Variants in ITFG1 observed in about 807,000 individuals in gnomAD.
The protein encoded by ITFG1 is integrin alpha FG-GAP repeat containing 1.
In ITFG1, 34 loss-of-function variants were observed where a neutral mutation model predicts 81.8. The observed-to-expected ratio is 0.42, with a 90% CI of 0.32 to 0.55. ITFG1 has a LOEUF of 0.55. Ranked by LOEUF, ITFG1 falls within the 20% of genes least tolerant of loss-of-function variation. The pLI, the probability that ITFG1 is intolerant of heterozygous loss-of-function variation, is 0.17. For missense variants in ITFG1, 672 were observed against 755.4 expected, an observed-to-expected ratio of 0.89 and a Z score of 1.29; for synonymous variants, 285 against 270.6, an observed-to-expected ratio of 1.05 and a Z score of -0.52.
chr16:47,411,167 G>A (rs1968805820), intron 6 of ITFG1, among the ~76,000 whole-genome samples: 5 of 152,176 alleles, frequency 3.3e-5, no homozygotes, highest in Admixed American at 2.0e-4. Flanking sequence ...GCACTTGAAT[G>A]GAGGAGGAGC....
At chr16:47,191,713 G>A (rs1222532943) in intron 14 of ITFG1, among the ~76,000 whole-genome samples, 1 of 152,124 alleles carries the variant, frequency 6.6e-6, no homozygotes, top group Non-Finnish European at 1.5e-5. Context: ...GTTTCACCAT[G>A]CTGGCCAGGA....
chr16:47,372,882 C>G (rs148936672), intron 7 of ITFG1, among the ~76,000 whole-genome samples: 6 of 152,272 alleles, frequency 3.9e-5, no homozygotes, highest in Non-Finnish European at 7.4e-5. Flanking sequence ...ATCTCTTTCC[C>G]AGGTTATTAT....
intron 14 of ITFG1, among the ~76,000 whole-genome samples, chr16:47,207,641 C>T (rs947441735): frequency 6.6e-6 from 1 of 152,052 alleles, no homozygotes; most frequent in South Asian, 2.1e-4. Context: ...CAAAGGGGCC[C>T]GTATAACAGA....
chr16:47,372,902 C>T (rs1968275937), intron 7 of ITFG1, among the ~76,000 whole-genome samples: 1 of 152,124 alleles, frequency 6.6e-6, no homozygotes, highest in Non-Finnish European at 1.5e-5. Context: ...TAAATTCCTC[C>T]TAAATTTACT....
chr16:47,357,215 C>CA, intron 8 of ITFG1, among the ~76,000 whole-genome samples: 2 of 151,890 alleles, frequency 1.3e-5, no homozygotes, highest in East Asian at 3.9e-4. Context: ...TACAAAATAG[C>CA]AATATAATAA....
At chr16:47,276,468 TAATCA>T (rs1966400442) in intron 10 of ITFG1, among the ~76,000 whole-genome samples, 1 of 152,132 alleles carries the variant, frequency 6.6e-6, no homozygotes, top group African/African-American at 2.4e-5. Context: ...AAATAAAATG[TAATCA>T]AATCAATCAA....
intron 8 of ITFG1, among the ~76,000 whole-genome samples, chr16:47,325,879 A>G (rs1043377621): frequency 3.9e-5 from 6 of 152,158 alleles, no homozygotes; most frequent in African/African-American, 1.4e-4. Context: ...ATTCACAGCC[A>G]AATTCTACCT....
chr16:47,437,890 C>G (rs1396343276), intron 5 of ITFG1, among the ~76,000 whole-genome samples: 1 of 152,238 alleles, frequency 6.6e-6, no homozygotes, highest in Non-Finnish European at 1.5e-5. Flanking sequence ...GAGGCATCGC[C>G]TCACCTGGGA....
At chr16:47,199,985 GGAGC>G (rs1965406006) in intron 14 of ITFG1, among the ~76,000 whole-genome samples, 6 of 134,184 alleles carry the variant, frequency 4.5e-5, no homozygotes, top group African/African-American at 1.9e-4. Flanking sequence ...GACAGGAGGT[GGAGC>G]TCAGGCCATA....
At chr16:47,237,597 C>A (rs113993344) in intron 13 of ITFG1, among the ~76,000 whole-genome samples, 6 of 152,148 alleles carry the variant, frequency 3.9e-5, no homozygotes, top group Non-Finnish European at 7.4e-5. Flanking sequence ...CTTGTCTCTG[C>A]GACCTATACC....
intron 12 of ITFG1, among the ~76,000 whole-genome samples, chr16:47,238,693 ATATGT>A (rs981506423): frequency 3.9e-5 from 6 of 152,292 alleles, no homozygotes; most frequent in Admixed American, 3.9e-4. Flanking sequence ...TTAAAATGCT[ATATGT>A]TATAAGATAA....
chr16:47,454,467 C>A (rs1427685714), intron 2 of ITFG1, among the ~76,000 whole-genome samples: 1 of 152,068 alleles, frequency 6.6e-6, no homozygotes, highest in Admixed American at 6.5e-5. Flanking sequence ...GTCAAGGACA[C>A]CAAGACATTC....
intron 16 of ITFG1, 98 bp from the exon 17 acceptor site, chr16:47,159,088 A>G (rs1964760522): frequency 1.9e-6 from 1 of 534,372 alleles, no homozygotes; most frequent in Non-Finnish European, 3.3e-6. Flanking sequence ...TTAATTAAAC[A>G]GTCAATGTAT....
At chr16:47,458,263 T>C (rs948942721) in intron 2 of ITFG1, among the ~76,000 whole-genome samples, 1 of 152,346 alleles carries the variant, frequency 6.6e-6, no homozygotes, top group African/African-American at 2.4e-5. Context: ...CTCCCCGAAG[T>C]GTACCTTCCA....
chr16:47,260,789 C>A, intron 10 of ITFG1, 94 bp from the exon 11 acceptor site: 2 of 1,275,014 alleles, frequency 1.6e-6, no homozygotes, highest in Non-Finnish European at 1.1e-6. Context: ...AGACGGTAAA[C>A]GGTACACAGT....
At chr16:47,227,366 AT>A (rs1397249240) in intron 13 of ITFG1, among the ~76,000 whole-genome samples, 1 of 152,208 alleles carries the variant, frequency 6.6e-6, no homozygotes, top group East Asian at 1.9e-4. Context: ...TAAATGTCAC[AT>A]CTGATGCTTG....
chr16:47,417,589 T>C (rs1968890437), intron 6 of ITFG1, among the ~76,000 whole-genome samples: 1 of 152,236 alleles, frequency 6.6e-6, no homozygotes, highest in Admixed American at 6.5e-5. Flanking sequence ...ACTATCTCTA[T>C]GAGATAAACT....
chr16:47,267,587 C>A (rs1420327730), intron 10 of ITFG1, among the ~76,000 whole-genome samples: 2 of 152,010 alleles, frequency 1.3e-5, no homozygotes, highest in Admixed American at 6.5e-5. Context: ...TGACCACAAC[C>A]CAGCAACACC....
chr16:47,198,982 A>G (rs958881537), intron 14 of ITFG1, among the ~76,000 whole-genome samples: 1 of 152,182 alleles, frequency 6.6e-6, no homozygotes, highest in African/African-American at 2.4e-5. Context: ...TTTAAAACAA[A>G]TTTAGTGTAG....
Sources: allele counts gnomAD v4.1 joint callset (sites outside exome capture counted in the v4.1 genomes callset), GRCh38; gene constraint gnomAD v4.1.1; transcripts MANE v1.5; gene names NCBI Gene and HGNC (gene_info 2026-07-23, HGNC 2026-07-21).